The following PRKCB variants were observed in gnomAD, a reference collection of about 807,000 sequenced individuals.
PRKCB encodes the protein protein kinase C beta.
In PRKCB, 13 loss-of-function variants were observed where a neutral mutation model predicts 81.5. That is an observed-to-expected ratio of 0.16 (90% CI 0.10 to 0.25). The LOEUF (loss-of-function observed/expected upper bound fraction) is 0.25, where lower values mean the gene tolerates loss of function less well. Ranked by LOEUF, PRKCB falls within the 10% of genes least tolerant of loss-of-function variation. The probability of loss-of-function intolerance (pLI) is 1.00; values close to 1 mark genes in which losing one functional copy is unlikely to be tolerated. For synonymous variants in PRKCB, 335 were observed against 321.4 expected (o/e 1.04, Z -0.45); for missense variants, 509 against 875.7 (o/e 0.58, Z 5.29).
chr16:24,048,224 C>T (rs1486765979), intron 5 of PRKCB, among the ~76,000 whole-genome samples: 1 of 152,242 alleles, frequency 6.6e-6, no homozygotes, highest in Non-Finnish European at 1.5e-5. Flanking sequence ...TATCAACAAC[C>T]TGTAGTCCCA....
chr16:23,863,083 T>G (rs565403335), intron 2 of PRKCB, among the ~76,000 whole-genome samples: 13 of 148,326 alleles, frequency 8.8e-5, no homozygotes, highest in Admixed American at 2.7e-4. Flanking sequence ...ATATGATTTA[T>G]ATATATGATT....
chr16:23,893,014 T>C (rs942429650), intron 2 of PRKCB: 8 of 151,802 alleles, frequency 5.3e-5, no homozygotes, highest in African/African-American at 1.9e-4. Flanking sequence ...AGGGTGAACT[T>C]ACAATGGCCC....
intron 12 of PRKCB, chr16:24,174,890 A>T (rs926571381): frequency 1.1e-5 from 3 of 276,972 alleles, no homozygotes; most frequent in African/African-American, 2.2e-5. Flanking sequence ...TTGCTTGTGG[A>T]CCCTACATTT....
At chr16:24,197,470 G>A (rs938941233) in intron 16 of PRKCB, among the ~76,000 whole-genome samples, 1 of 152,128 alleles carries the variant, frequency 6.6e-6, no homozygotes, top group Non-Finnish European at 1.5e-5. Flanking sequence ...AGGAGTGCAG[G>A]TGCCTGAGCC....
intron 3 of PRKCB, among the ~76,000 whole-genome samples, chr16:23,990,729 G>A (rs1964876135): frequency 6.6e-6 from 1 of 151,904 alleles, no homozygotes; most frequent in African/African-American, 2.4e-5. Flanking sequence ...TTATTTGCTT[G>A]TAAAGATAGG....
Position 24,185,168 on chromosome 16 carries a change from C to T in PRKCB, c.1591C>T (p.Leu531=). ...SVDWWAFGVL[L]YEMLAGQAPF... ...GGATTGGTGGGCATTTGGAGTCCTG[C>T]TGTATGAAATGTTGGCTGGGCAGGT... is the stretch of plus-strand genomic sequence containing the variant. The change falls in exon 14 of 17, where the codon CTG becomes TTG. Residue 531 remains leucine, a synonymous_variant. Coordinates refer to ENST00000643927, the MANE Select transcript of PRKCB (RefSeq NM_002738.7). 1 of 1,614,030 alleles carries T rather than the reference C, an allele frequency of 6.2e-7. No individual in the cohort carries two copies. Among genetic ancestry groups the T allele is most frequent in the Non-Finnish European group, 8.5e-7 (1 of 1,179,942 alleles).
intron 2 of PRKCB, among the ~76,000 whole-genome samples, chr16:23,909,737 A>G (rs964151456): frequency 6.6e-6 from 1 of 152,160 alleles, no homozygotes; most frequent in Non-Finnish European, 1.5e-5. Flanking sequence ...GTTTCAGTTA[A>G]AATATTGACC....
At chr16:23,905,056 TAA>T (rs1293956589) in intron 2 of PRKCB, among the ~76,000 whole-genome samples, 4,379 of 27,642 alleles carry the variant, frequency 0.16, 107 homozygotes, top group African/African-American at 0.31. Context: ...TTTTTTTTTT[TAA>T]TAAAAAAAAA....
chr16:24,119,632 G>A (rs1966775110), intron 8 of PRKCB, among the ~76,000 whole-genome samples: 1 of 152,022 alleles, frequency 6.6e-6, no homozygotes, highest in African/African-American at 2.4e-5. Flanking sequence ...AAAGTGTTTG[G>A]GTCAGGCCAG....
chr16:23,837,522 TC>T, intron 2 of PRKCB, 116 bp downstream of exon 2: 1 of 1,308,486 alleles, frequency 7.6e-7, no homozygotes, highest in Non-Finnish European at 1.1e-6. Context: ...CGGAGTGACC[TC>T]CCAGGCTAGG....
At chr16:23,859,831 C>A (rs1399059576) in intron 2 of PRKCB, among the ~76,000 whole-genome samples, 2 of 150,832 alleles carry the variant, frequency 1.3e-5, no homozygotes, top group African/African-American at 2.4e-5. Flanking sequence ...CCAAAGGGAG[C>A]ATGGCACTTC....
intron 3 of PRKCB, among the ~76,000 whole-genome samples, chr16:23,990,984 TG>T (rs2141823635): frequency 6.6e-6 from 1 of 152,366 alleles, no homozygotes. Flanking sequence ...TCTCTTACTT[TG>T]TTTCTGCTTT....
intron 2 of PRKCB, among the ~76,000 whole-genome samples, chr16:23,957,937 C>T (rs983696573): frequency 3.3e-5 from 5 of 152,186 alleles, no homozygotes; most frequent in Admixed American, 6.5e-5. Flanking sequence ...AATGGCACCA[C>T]CTCCTAGCAT....
intron 2 of PRKCB, among the ~76,000 whole-genome samples, chr16:23,932,004 T>C (rs1596477870): frequency 6.6e-6 from 1 of 152,240 alleles, no homozygotes; most frequent in Non-Finnish European, 1.5e-5. Flanking sequence ...ATGATGCAAA[T>C]AGAAGTGGCC....
intron 9 of PRKCB, among the ~76,000 whole-genome samples, chr16:24,131,814 A>G (rs777333483): frequency 2.6e-5 from 4 of 152,172 alleles, no homozygotes; most frequent in Admixed American, 2.0e-4. Flanking sequence ...TAGTACCTGA[A>G]CCACATTTGG....
intron 2 of PRKCB, among the ~76,000 whole-genome samples, chr16:23,965,910 G>A (rs971146648): frequency 6.6e-6 from 1 of 152,246 alleles, no homozygotes; most frequent in African/African-American, 2.4e-5. Context: ...CTCTGCCCCA[G>A]TGTCACTTGA....
At chr16:23,880,084 C>T (rs1963081913) in intron 2 of PRKCB, among the ~76,000 whole-genome samples, 1 of 152,160 alleles carries the variant, frequency 6.6e-6, no homozygotes, top group Non-Finnish European at 1.5e-5. Context: ...TGTCCTTAGA[C>T]TCAGTAGTAC....
chr16:24,123,487 G>T (rs1596558131), intron 8 of PRKCB, among the ~76,000 whole-genome samples: 1 of 152,154 alleles, frequency 6.6e-6, no homozygotes, highest in African/African-American at 2.4e-5. Context: ...GGCTCACTGT[G>T]GTTGTGTGTG....
intron 2 of PRKCB, among the ~76,000 whole-genome samples, chr16:23,944,042 C>G (rs771937126): frequency 2.0e-5 from 3 of 152,104 alleles, no homozygotes; most frequent in Non-Finnish European, 4.4e-5. Context: ...CATGTATGCT[C>G]TTAGAAATAA....
Sources: allele counts gnomAD v4.1 joint callset (sites outside exome capture counted in the v4.1 genomes callset), GRCh38; gene constraint gnomAD v4.1.1; transcripts MANE v1.5; gene names NCBI Gene and HGNC (gene_info 2026-07-23, HGNC 2026-07-21).